PHF24: variants seen among roughly 807,000 people sequenced by gnomAD.
PHF24 encodes Galpha inhibitory interacting protein.
In PHF24, 25 loss-of-function variants were observed where a neutral mutation model predicts 42.6. The ratio of observed to expected loss-of-function variants is 0.59; its 90% CI spans 0.43 to 0.82. PHF24 has a LOEUF of 0.82. PHF24 is among the 40% of genes least tolerant of loss of function. The pLI, the probability that PHF24 is intolerant of heterozygous loss-of-function variation, is 0.00. For synonymous variants in PHF24, 185 were observed against 204.8 expected (o/e 0.90, Z 0.83); for missense variants, 470 against 538.1 (o/e 0.87, Z 1.25).
At chr9:34,727,124 G>A in the PHF24 span, 1 of 1,415,024 alleles carries the variant, frequency 7.1e-7, no homozygotes, top group South Asian at 1.5e-5. Context: ...CTACCTGTCT[G>A]CTTTCCTTGC....
At chr9:34,911,179 C>CT in the PHF24 span, among the ~76,000 whole-genome samples, 1 of 151,700 alleles carries the variant, frequency 6.6e-6, no homozygotes, top group Non-Finnish European at 1.5e-5. Flanking sequence ...GTCAGTCAGA[C>CT]TTTTTTTAAA....
chr9:34,816,325 C>T, the PHF24 span, among the ~76,000 whole-genome samples: 8 of 152,124 alleles, frequency 5.3e-5, no homozygotes, highest in East Asian at 1.5e-3. Flanking sequence ...CAAATAATTC[C>T]TTTTTTGAGG....
chr9:34,738,685 TCTGA>T, the PHF24 span, among the ~76,000 whole-genome samples: 1 of 152,304 alleles, frequency 6.6e-6, no homozygotes, highest in Admixed American at 6.5e-5. Flanking sequence ...GGGACCCAGT[TCTGA>T]CTAAGAACAT....
At chr9:34,860,339 G>A in the PHF24 span, among the ~76,000 whole-genome samples, 2 of 152,126 alleles carry the variant, frequency 1.3e-5, no homozygotes, top group Non-Finnish European at 1.5e-5. Context: ...TCGTAGAAGA[G>A]TTGTAAAATT....
At chr9:34,952,597 C>T in the PHF24 span, among the ~76,000 whole-genome samples, 1 of 152,136 alleles carries the variant, frequency 6.6e-6, no homozygotes, top group Non-Finnish European at 1.5e-5. Context: ...ACTCACACTA[C>T]TGATTTTAAG....
At chr9:34,946,552 T>C in the PHF24 span, among the ~76,000 whole-genome samples, 1 of 152,236 alleles carries the variant, frequency 6.6e-6, no homozygotes, top group African/African-American at 2.4e-5. Context: ...ATATTATAGA[T>C]CGAGATTTCT....
the PHF24 span, among the ~76,000 whole-genome samples, chr9:34,683,307 C>T: frequency 2.0e-5 from 3 of 152,208 alleles, no homozygotes; most frequent in East Asian, 1.9e-4. Flanking sequence ...GTGATCCACC[C>T]GCCTTGGCCT....
the PHF24 span, among the ~76,000 whole-genome samples, chr9:34,900,359 G>A: frequency 6.6e-6 from 1 of 152,188 alleles, no homozygotes; most frequent in Non-Finnish European, 1.5e-5. Flanking sequence ...AGCACTTTGG[G>A]AGGCTGAGGT....
At position 34,967,703 on chromosome 9, in the gene PHF24, A is replaced by T. The variant is rs549123732; in HGVS notation, c.-4-3592A>T. ...TGAGGCATTTGAGCAGCATCTGGGG[A>T]CTACAGGGCCAGCCCTGTCACTTCA... On this transcript the variant is annotated intron_variant, in intron 1 of 7. Transcript: ENST00000242315. 2.3e-4 allele frequency among the ~76,000 whole-genome samples: 35 copies of T among 152,346 alleles called. 1 individual carries two copies. The South Asian group carries it at 7.0e-3, about 31-fold the overall frequency.
the PHF24 span, among the ~76,000 whole-genome samples, chr9:34,688,819 A>G: frequency 1.3e-5 from 2 of 152,322 alleles, no homozygotes; most frequent in Middle Eastern, 3.4e-3. Context: ...ACAAATATTT[A>G]TTGAGGGACT....
the PHF24 span, among the ~76,000 whole-genome samples, chr9:34,740,015 G>A: frequency 6.6e-6 from 1 of 152,122 alleles, no homozygotes; most frequent in East Asian, 1.9e-4. Context: ...AGTGTCGATT[G>A]GTGCATTCAC....
intron 1 of PHF24, among the ~76,000 whole-genome samples, chr9:34,969,944 G>A (rs1303781752): frequency 1.3e-5 from 2 of 152,186 alleles, no homozygotes; most frequent in African/African-American, 4.8e-5. Flanking sequence ...CACCAGTAGT[G>A]TGGTGGGTCT....
At chr9:34,745,967 G>A in the PHF24 span, among the ~76,000 whole-genome samples, 2 of 152,080 alleles carry the variant, frequency 1.3e-5, no homozygotes, top group African/African-American at 4.8e-5. Context: ...AAAGCACTGA[G>A]GAATTATGGG....
the PHF24 span, among the ~76,000 whole-genome samples, chr9:34,673,770 C>T: frequency 1.3e-5 from 2 of 152,156 alleles, no homozygotes; most frequent in East Asian, 1.9e-4. Flanking sequence ...TACAGGCACC[C>T]GCTGCCAAAC....
the PHF24 span, among the ~76,000 whole-genome samples, chr9:34,913,359 T>C: frequency 9.2e-5 from 14 of 152,180 alleles, no homozygotes; most frequent in Non-Finnish European, 2.1e-4. Flanking sequence ...CAAACAGGAA[T>C]GAATTCAAGA....
At chr9:34,920,969 T>C in the PHF24 span, among the ~76,000 whole-genome samples, 1 of 152,188 alleles carries the variant, frequency 6.6e-6, no homozygotes, top group Non-Finnish European at 1.5e-5. Context: ...CTTTTTCCTT[T>C]CTTTGGGTGC....
At chr9:34,768,714 C>T in the PHF24 span, among the ~76,000 whole-genome samples, 1 of 152,160 alleles carries the variant, frequency 6.6e-6, no homozygotes, top group Non-Finnish European at 1.5e-5. Context: ...GCTTATCTTG[C>T]TCTTCATTGC....
the PHF24 span, among the ~76,000 whole-genome samples, chr9:34,797,613 G>C: frequency 3.9e-5 from 6 of 151,980 alleles, no homozygotes; most frequent in Non-Finnish European, 2.9e-5. Flanking sequence ...GTGCCCTTCT[G>C]CCGGTGTGCT....
chr9:34,811,867 T>C, the PHF24 span, among the ~76,000 whole-genome samples: 131 of 152,296 alleles, frequency 8.6e-4, no homozygotes, highest in African/African-American at 3.1e-3. Context: ...GCCCATGGAA[T>C]AGGAGAAAAT....
Sources: allele counts gnomAD v4.1 joint callset (sites outside exome capture counted in the v4.1 genomes callset), GRCh38; gene constraint gnomAD v4.1.1; transcripts MANE v1.5; gene names NCBI Gene and HGNC (gene_info 2026-07-23, HGNC 2026-07-21).